The following TCF7L2 variants were observed in gnomAD, a reference collection of about 807,000 sequenced individuals.
The protein encoded by TCF7L2 is transcription factor 7 like 2.
Under a neutral mutation model 77.9 loss-of-function variants are expected in TCF7L2, and 23 were observed. The ratio of observed to expected loss-of-function variants is 0.30; its 90% CI spans 0.21 to 0.42. The LOEUF is 0.42. Ranked by LOEUF, TCF7L2 falls within the 10% of genes least tolerant of loss-of-function variation. The probability of loss-of-function intolerance (pLI) is 1.00; values close to 1 mark genes in which losing one functional copy is unlikely to be tolerated. For missense variants in TCF7L2, 654 were observed against 793.1 expected (o/e 0.82, Z 2.11); for synonymous variants, 413 against 340.2 (o/e 1.21, Z -2.36).
chr10:113,035,229 G>A (rs1392596323), intron 4 of TCF7L2, among the ~76,000 whole-genome samples: 5 of 152,118 alleles, frequency 3.3e-5, no homozygotes, highest in East Asian at 1.9e-4. Flanking sequence ...GAGTTAATCC[G>A]AAACGTTGCT....
chr10:113,003,539 A>C (rs970201211), intron 4 of TCF7L2, among the ~76,000 whole-genome samples: 1 of 152,166 alleles, frequency 6.6e-6, no homozygotes, highest in East Asian at 1.9e-4. Context: ...CCCAGCCCGC[A>C]TCATGTTATC....
intron 4 of TCF7L2, among the ~76,000 whole-genome samples, chr10:113,033,229 C>G (rs1030712421): frequency 4.7e-5 from 7 of 149,428 alleles, no homozygotes; most frequent in African/African-American, 9.9e-5. Flanking sequence ...TGCTGCTTCT[C>G]TCTCTCTCTC....
rs544954145 is a variant in TCF7L2, at chr10:113,060,996, A to G, written c.552+20870A>G. On this transcript the variant is annotated intron_variant, in intron 5 of 13. Coordinates refer to ENST00000627217, the MANE Select transcript of TCF7L2 (RefSeq NM_001146274.2). Reference sequence around the variant, plus strand: ...GAGGACTTCAGGGCTGGTGGATAGTAAGCTCCTTGGTTATCTCACAGATAC... The same window carrying G: ...GAGGACTTCAGGGCTGGTGGATAGTGAGCTCCTTGGTTATCTCACAGATAC... Among the ~76,000 whole-genome samples the G allele has an allele frequency of 3.3e-5, 5 of 152,234 alleles. No individual in the cohort carries two copies. The South Asian group carries it at 1.0e-3, about 32-fold the overall frequency.
At chr10:112,978,793 T>TTA (rs897384737) in intron 4 of TCF7L2, among the ~76,000 whole-genome samples, 15 of 152,080 alleles carry the variant, frequency 9.9e-5, no homozygotes, top group African/African-American at 3.6e-4. Context: ...TTTGTGATTT[T>TTA]TATATAATAA....
intron 10 of TCF7L2, 44 bp from the exon 11 acceptor site, chr10:113,152,288 CT>C: frequency 6.6e-7 from 1 of 1,513,688 alleles, no homozygotes; most frequent in South Asian, 1.1e-5. Context: ...TCATGCTTTT[CT>C]CTTTGTTCAT....
intron 4 of TCF7L2, among the ~76,000 whole-genome samples, chr10:113,003,507 C>T (rs2133392899): frequency 6.6e-6 from 1 of 152,276 alleles, no homozygotes; most frequent in East Asian, 1.9e-4. Context: ...TTTCCCTGTC[C>T]CTGCCCTCTC....
chr10:112,991,359 C>T (rs894611253), intron 4 of TCF7L2, among the ~76,000 whole-genome samples: 1 of 151,924 alleles, frequency 6.6e-6, no homozygotes, highest in African/African-American at 2.4e-5. Flanking sequence ...GAAACCCCGT[C>T]TCTATGTGCG....
At chr10:113,000,074 T>C (rs576925363) in intron 4 of TCF7L2, among the ~76,000 whole-genome samples, 10 of 152,350 alleles carry the variant, frequency 6.6e-5, no homozygotes, top group African/African-American at 2.4e-4. Flanking sequence ...AAGATGTTCA[T>C]TAGGATATTG....
chr10:113,069,582 G>A (rs1024557829), intron 5 of TCF7L2, among the ~76,000 whole-genome samples: 1 of 152,128 alleles, frequency 6.6e-6, no homozygotes, highest in African/African-American at 2.4e-5. Flanking sequence ...CGTCCAGGAG[G>A]ATGTGCTGGG....
intron 5 of TCF7L2, among the ~76,000 whole-genome samples, chr10:113,065,001 A>G (rs1382157402): frequency 6.6e-6 from 1 of 152,220 alleles, no homozygotes; most frequent in South Asian, 2.1e-4. Context: ...ATTCACCCAG[A>G]GACCAGAAGG....
At chr10:112,951,027 G>C in intron 1 of TCF7L2, 82 bp downstream of exon 1, 1 of 1,502,162 alleles carries the variant, frequency 6.7e-7, no homozygotes, top group Non-Finnish European at 8.9e-7. Flanking sequence ...GAGAAATCGG[G>C]GCTGGGGGCG....
chr10:113,143,874 C>CT lies in TCF7L2; in HGVS notation c.686-46dup, dbSNP rs138560570. 2,582 of 1,461,960 alleles carry CT rather than the reference C, an allele frequency of 1.8e-3. 38 individuals carry two copies. The African/African-American group carries it at 0.028, about 16-fold the overall frequency. 90.6% of individuals were successfully genotyped at this position (1,461,960 alleles called of 1,614,324 possible). On this transcript the variant is annotated intron_variant, in intron 6 of 13. Coordinates refer to ENST00000627217, the MANE Select transcript of TCF7L2 (RefSeq NM_001146274.2). The stretch of plus-strand genomic sequence containing the variant: ...TGTTCCCATCCCCTAATGGATTGCT[C>CT]TTTCCTTCTCTCCCTCCTTTGTACC...
intron 7 of TCF7L2, 105 bp downstream of exon 7, chr10:113,144,130 G>GTGTGTA: frequency 2.5e-6 from 2 of 805,774 alleles, no homozygotes; most frequent in Non-Finnish European, 3.6e-6. Flanking sequence ...GTGTGTGTGT[G>GTGTGTA]TGTGTGTATG....
At chr10:113,036,127 T>TCAC (rs1348228684) in intron 4 of TCF7L2, among the ~76,000 whole-genome samples, 1 of 124,040 alleles carries the variant, frequency 8.1e-6, no homozygotes, top group African/African-American at 3.7e-5. Context: ...ATCATCATCA[T>TCAC]CATCATCATC....
At chr10:112,977,052 T>C (rs1196695706) in intron 4 of TCF7L2, among the ~76,000 whole-genome samples, 22 of 152,258 alleles carry the variant, frequency 1.4e-4, no homozygotes. Context: ...ACAATTGTCA[T>C]TCATTCCTGC....
rs2035082855 is a variant in TCF7L2, at chr10:112,961,259, C to CCCCG, written c.382-3294_382-3293insGCCC. On this transcript the variant is annotated intron_variant, in intron 3 of 13. Coordinates refer to ENST00000627217, the MANE Select transcript of TCF7L2 (RefSeq NM_001146274.2). Reference sequence around the variant, plus strand: ...CGAACTCCCGACCTCAGGTGACCCCCCCCCCCCCAACCTCGGCCTTCCAAA... The same window carrying CCCCG: ...CGAACTCCCGACCTCAGGTGACCCCCCCCGCCCCCCCCAACCTCGGCCTTCCAAA... Among the ~76,000 whole-genome samples, 4 of 127,944 alleles carry CCCCG rather than the reference C, an allele frequency of 3.1e-5. 2 individuals are homozygous for CCCCG. Among genetic ancestry groups the CCCCG allele is most frequent in the African/African-American group, 1.3e-4 (4 of 29,960 alleles). 83.9% of individuals were successfully genotyped at this position (127,944 alleles called of 152,430 possible). A position where few individuals can be genotyped will look rare whatever the true frequency, so the allele number is the denominator to read the frequency against.
intron 5 of TCF7L2, among the ~76,000 whole-genome samples, chr10:113,061,717 A>G (rs2056474112): frequency 6.6e-6 from 1 of 152,158 alleles, no homozygotes; most frequent in Non-Finnish European, 1.5e-5. Context: ...TCTGACGGTT[A>G]TTGATCCTCC....
intron 4 of TCF7L2, among the ~76,000 whole-genome samples, chr10:112,982,014 T>G (rs561787496): frequency 7.9e-5 from 12 of 152,210 alleles, no homozygotes; most frequent in Non-Finnish European, 1.8e-4. Flanking sequence ...TCCCTCTGTC[T>G]TTGCTTCTTA....
chr10:113,141,892 A>G (rs1177200515), intron 6 of TCF7L2, among the ~76,000 whole-genome samples: 4 of 152,206 alleles, frequency 2.6e-5, no homozygotes, highest in Non-Finnish European at 1.5e-5. Context: ...GTATTGTTGA[A>G]CCCATTTTAC....
Sources: gnomAD v4.1 joint callset for allele counts (sites outside exome capture counted in the v4.1 genomes callset) on GRCh38, gnomAD v4.1.1 for gene constraint, MANE v1.5 for transcripts, NCBI Gene and HGNC (gene_info 2026-07-23, HGNC 2026-07-21) for gene names.